The following NOVA1 variants were observed in gnomAD, a reference collection of about 807,000 sequenced individuals.
NOVA1 encodes the protein RNA-binding protein Nova-1.
NOVA1 carries 7 observed loss-of-function variants against 38.0 expected under a neutral mutation model. The observed-to-expected ratio is 0.18, with a 90% CI of 0.10 to 0.35. The LOEUF (loss-of-function observed/expected upper bound fraction) is 0.35. Among genes scored for constraint, NOVA1 ranks in the 10% least tolerant of loss-of-function variants. NOVA1 has a pLI of 1.00. For synonymous variants in NOVA1, 270 were observed against 232.5 expected, an observed-to-expected ratio of 1.16 and a Z score of -1.47; for missense variants, 460 against 616.0, an observed-to-expected ratio of 0.75 and a Z score of 2.68.
chr14:26,449,319 G>T (rs1462859633), intron 4 of NOVA1, among the ~76,000 whole-genome samples: 1 of 152,084 alleles, frequency 6.6e-6, no homozygotes, highest in Non-Finnish European at 1.5e-5. Flanking sequence ...ACATGCTGTT[G>T]ATGATTCTTC....
chr14:26,572,971 C>G (rs900999857), intron 2 of NOVA1, among the ~76,000 whole-genome samples: 1 of 151,942 alleles, frequency 6.6e-6, no homozygotes, highest in South Asian at 2.1e-4. Flanking sequence ...AAGATCAAAA[C>G]AGTTTTGAGC....
chr14:26,573,279 T>C (rs2138729360), intron 2 of NOVA1, among the ~76,000 whole-genome samples: 1 of 152,122 alleles, frequency 6.6e-6, no homozygotes, highest in East Asian at 1.9e-4. Context: ...ATTAAGCAAC[T>C]AATAAAGATA....
At chr14:26,526,515 C>A (rs922864965) in intron 2 of NOVA1, among the ~76,000 whole-genome samples, 1 of 151,920 alleles carries the variant, frequency 6.6e-6, no homozygotes, top group East Asian at 1.9e-4. Context: ...AAAAGCCCAG[C>A]GCTGTTTACA....
chr14:26,518,928 T>C (rs190402291), intron 2 of NOVA1, among the ~76,000 whole-genome samples: 1 of 152,080 alleles, frequency 6.6e-6, no homozygotes, highest in Admixed American at 6.5e-5. Context: ...CTAAATTATA[T>C]ACTTTTTCAT....
At chr14:26,504,927 C>G (rs1228871654) in intron 2 of NOVA1, among the ~76,000 whole-genome samples, 1 of 152,162 alleles carries the variant, frequency 6.6e-6, no homozygotes, top group East Asian at 1.9e-4. Context: ...TTTGCACTCT[C>G]TCTTCCTTAA....
In NOVA1 at chr14:26,530,017, T is replaced by G. The variant is rs997656275; in HGVS notation, c.281-49874A>C. On this transcript the variant is annotated intron_variant, in intron 2 of 4. Transcript: ENST00000539517. ...TCACTGCAAGCTCCGCCTCCCGGGT[T>G]CACGCCATTCTCCTGCCTCAGCCTC... is the stretch of plus-strand genomic sequence containing the variant. Among the ~76,000 whole-genome samples the G allele has an allele frequency of 1.7e-4, 26 of 152,304 alleles. 1 individual carries two copies. The highest frequency in any genetic ancestry group is 1.5e-3 in the Admixed American group (23 of 15,292).
At chr14:26,576,738 GCCT>G (rs1159744613) in intron 2 of NOVA1, among the ~76,000 whole-genome samples, 2 of 150,794 alleles carry the variant, frequency 1.3e-5, no homozygotes, top group Non-Finnish European at 3.0e-5. Context: ...TACTCCTCTT[GCCT>G]CCTTTTTTTA....
At chr14:26,507,273 TA>T (rs5807367) in intron 2 of NOVA1, among the ~76,000 whole-genome samples, 7,572 of 148,772 alleles carry the variant, frequency 0.051, 229 homozygotes, top group South Asian at 0.099. Flanking sequence ...CAACTCATTG[TA>T]AAAAAAAAAA....
intron 2 of NOVA1, among the ~76,000 whole-genome samples, chr14:26,558,446 T>C (rs995279831): frequency 2.0e-5 from 3 of 152,148 alleles, no homozygotes; most frequent in Non-Finnish European, 4.4e-5. Flanking sequence ...GGCAACACTT[T>C]GGACTTTCTG....
chr14:26,571,078 T>C (rs1474629426), intron 2 of NOVA1, among the ~76,000 whole-genome samples: 1 of 151,884 alleles, frequency 6.6e-6, no homozygotes, highest in African/African-American at 2.4e-5. Flanking sequence ...ATTGGTGATG[T>C]GTTACTTTGG....
intron 2 of NOVA1, among the ~76,000 whole-genome samples, chr14:26,567,707 G>A (rs893020230): frequency 6.6e-6 from 1 of 152,020 alleles, no homozygotes; most frequent in African/African-American, 2.4e-5. Flanking sequence ...TTCATTTCTA[G>A]TCTTCTGCTT....
intron 4 of NOVA1, among the ~76,000 whole-genome samples, chr14:26,449,542 G>C (rs1882443223): frequency 6.6e-6 from 1 of 152,014 alleles, no homozygotes. Context: ...ATAAAGGTCA[G>C]TAAAATTATT....
intron 2 of NOVA1, among the ~76,000 whole-genome samples, chr14:26,545,815 A>T (rs1890754511): frequency 6.6e-6 from 1 of 152,154 alleles, no homozygotes; most frequent in African/African-American, 2.4e-5. Flanking sequence ...TAGAAAGATT[A>T]TATACACATA....
chr14:26,482,749 G>C (rs2138309770), intron 2 of NOVA1, among the ~76,000 whole-genome samples: 1 of 152,226 alleles, frequency 6.6e-6, no homozygotes, highest in Middle Eastern at 3.4e-3. Context: ...TCAGGCTGGA[G>C]TGCAGTGGTG....
intron 2 of NOVA1, among the ~76,000 whole-genome samples, chr14:26,505,346 G>A (rs1887568013): frequency 6.6e-6 from 1 of 152,062 alleles, no homozygotes; most frequent in Non-Finnish European, 1.5e-5. Flanking sequence ...CCCCCATGCT[G>A]TTCTGACAGT....
chr14:26,516,271 A>G (rs1440858969), intron 2 of NOVA1, among the ~76,000 whole-genome samples: 1 of 152,140 alleles, frequency 6.6e-6, no homozygotes. Flanking sequence ...AAGGCATTCT[A>G]TGCATACTGT....
At chr14:26,474,564 C>A (rs1884829457) in intron 3 of NOVA1, among the ~76,000 whole-genome samples, 1 of 151,794 alleles carries the variant, frequency 6.6e-6, no homozygotes, top group Non-Finnish European at 1.5e-5. Flanking sequence ...AACTTACATT[C>A]ATCAAAATTA....
chr14:26,577,579 G>T (rs1892939924), intron 2 of NOVA1, among the ~76,000 whole-genome samples: 1 of 151,930 alleles, frequency 6.6e-6, no homozygotes, highest in Non-Finnish European at 1.5e-5. Context: ...TCTTCTTTTG[G>T]CTTGAATATA....
At chr14:26,597,120 G>T in intron 1 of NOVA1, 181 bp downstream of exon 1, 2 of 1,230,766 alleles carry the variant, frequency 1.6e-6, no homozygotes, top group Non-Finnish European at 2.0e-6. Flanking sequence ...GGGACACCTA[G>T]GCGCGGGGCA....
Sources: gnomAD v4.1 joint callset for allele counts (sites outside exome capture counted in the v4.1 genomes callset) on GRCh38, gnomAD v4.1.1 for gene constraint, MANE v1.5 for transcripts, NCBI Gene and HGNC (gene_info 2026-07-23, HGNC 2026-07-21) for gene names.